KMT2C: variants seen among roughly 807,000 people sequenced by gnomAD.
KMT2C encodes lysine methyltransferase 2C.
A neutral mutation model predicts 507.9 loss-of-function variants in KMT2C; 88 were observed. That is an observed-to-expected ratio of 0.17 (90% CI 0.15 to 0.21). The LOEUF is 0.21. KMT2C is among the 10% of genes least tolerant of loss of function. KMT2C has a pLI of 1.00. For missense variants in KMT2C, 4,954 were observed against 5,957.8 expected (o/e 0.83, Z 5.55); for synonymous variants, 2,049 against 2,080.8 (o/e 0.98, Z 0.42).
intron 6 of KMT2C, among the ~76,000 whole-genome samples, chr7:152,298,936 C>G (rs143226795): frequency 6.6e-6 from 1 of 152,228 alleles, no homozygotes; most frequent in Non-Finnish European, 1.5e-5. Context: ...AGGTAGACCT[C>G]TCTAAATGTA....
chr7:152,203,193 A>C (rs1186933312), intron 25 of KMT2C, 129 bp from the exon 26 acceptor site: 2 of 637,096 alleles, frequency 3.1e-6, no homozygotes, highest in African/African-American at 3.8e-5. Flanking sequence ...TGAACAAAAA[A>C]ATCTCAAATC....
intron 53 of KMT2C, among the ~76,000 whole-genome samples, chr7:152,145,566 G>A (rs999629733): frequency 1.3e-5 from 2 of 152,212 alleles, no homozygotes; most frequent in African/African-American, 4.8e-5. Context: ...AACACTGGCT[G>A]ACCAATATAC....
At chr7:152,189,302 A>T (rs951748467) in intron 31 of KMT2C, among the ~76,000 whole-genome samples, 1 of 152,208 alleles carries the variant, frequency 6.6e-6, no homozygotes, top group East Asian at 1.9e-4. Context: ...GTTTACCTTC[A>T]AAAAGCCCTC....
At chr7:152,246,802 G>C (rs1281702769) in intron 14 of KMT2C, among the ~76,000 whole-genome samples, 1 of 152,078 alleles carries the variant, frequency 6.6e-6, no homozygotes, top group East Asian at 1.9e-4. Flanking sequence ...TATATAAAGA[G>C]TGGCCTAGTT....
chr7:152,412,593 T>C (rs941321149), intron 1 of KMT2C, among the ~76,000 whole-genome samples: 13 of 152,114 alleles, frequency 8.5e-5, no homozygotes, highest in Non-Finnish European at 1.6e-4. Context: ...AATCCTCTCA[T>C]GAAGCTGGCC....
At chr7:152,427,520 G>T (rs2097830409) in intron 1 of KMT2C, among the ~76,000 whole-genome samples, 2 of 152,126 alleles carry the variant, frequency 1.3e-5, no homozygotes, top group African/African-American at 4.8e-5. Context: ...TCTATGTCTT[G>T]ATTTAAAACT....
chr7:152,217,657 G>A (rs547080525), intron 23 of KMT2C, among the ~76,000 whole-genome samples: 8 of 152,042 alleles, frequency 5.3e-5, no homozygotes, highest in East Asian at 1.9e-4. Flanking sequence ...ATTTTATCAC[G>A]TAAATTTTAA....
chr7:152,435,138 G>A (rs2097904706), intron 1 of KMT2C, among the ~76,000 whole-genome samples: 2 of 152,114 alleles, frequency 1.3e-5, no homozygotes. Flanking sequence ...GCACTCGCCC[G>A]GCCGCTTTCT....
intron 9 of KMT2C, among the ~76,000 whole-genome samples, chr7:152,255,655 C>T (rs566603589): frequency 6.6e-6 from 1 of 152,190 alleles, no homozygotes; most frequent in South Asian, 2.1e-4. Context: ...AAAACAGTGT[C>T]GTACTGGTGA....
At chr7:152,289,305 C>T (rs2096364538) in intron 6 of KMT2C, among the ~76,000 whole-genome samples, 1 of 152,138 alleles carries the variant, frequency 6.6e-6, no homozygotes. Flanking sequence ...ACTACAACTA[C>T]AGTAAAAATA....
At chr7:152,338,669 T>A (rs1468896558) in intron 2 of KMT2C, among the ~76,000 whole-genome samples, 1 of 152,166 alleles carries the variant, frequency 6.6e-6, no homozygotes, top group Non-Finnish European at 1.5e-5. Flanking sequence ...AATTACAAGC[T>A]CAAGATCACA....
intron 14 of KMT2C, among the ~76,000 whole-genome samples, chr7:152,240,335 C>T (rs2095359630): frequency 6.6e-6 from 1 of 152,234 alleles, no homozygotes; most frequent in Non-Finnish European, 1.5e-5. Flanking sequence ...TACTGTTCTG[C>T]TGGATTTGGC....
intron 44 of KMT2C, among the ~76,000 whole-genome samples, chr7:152,157,145 G>A (rs1383889632): frequency 6.6e-6 from 1 of 151,102 alleles, no homozygotes; most frequent in Non-Finnish European, 1.5e-5. Flanking sequence ...TAGAGGTAGA[G>A]GGCAATGGCA....
chr7:152,204,222 C>T (rs1256014879), intron 25 of KMT2C, among the ~76,000 whole-genome samples: 3 of 152,030 alleles, frequency 2.0e-5, no homozygotes, highest in South Asian at 2.1e-4. Flanking sequence ...TGCTTGGACT[C>T]GGGAGGTGAA....
At chr7:152,387,092 A>C (rs545636241) in intron 1 of KMT2C, among the ~76,000 whole-genome samples, 140 of 152,308 alleles carry the variant, frequency 9.2e-4, no homozygotes, top group Non-Finnish European at 1.7e-3. Context: ...TTTACAATCA[A>C]GAAGACACAC....
intron 17 of KMT2C, 47 bp downstream of exon 17, chr7:152,230,173 G>GC: frequency 8.7e-7 from 1 of 1,148,750 alleles, no homozygotes; most frequent in Admixed American, 1.9e-5. Context: ...GCAGAAATGT[G>GC]CAAGGAGGAA....
intron 6 of KMT2C, among the ~76,000 whole-genome samples, chr7:152,284,084 CT>C (rs1204476810): frequency 6.6e-6 from 1 of 152,082 alleles, no homozygotes; most frequent in Non-Finnish European, 1.5e-5. Context: ...CTTTTAATGA[CT>C]TTTTCAGTTA....
intron 50 of KMT2C, 121 bp downstream of exon 50, chr7:152,151,321 C>T: frequency 9.7e-7 from 1 of 1,027,874 alleles, no homozygotes; most frequent in Admixed American, 2.4e-5. Context: ...GTGCCATCAC[C>T]AGGAACATGT....
chr7:152,140,829 G>A (rs2090452742), intron 55 of KMT2C, among the ~76,000 whole-genome samples: 1 of 152,150 alleles, frequency 6.6e-6, no homozygotes, highest in Non-Finnish European at 1.5e-5. Context: ...AAGCATCTTT[G>A]ATTATCTGTT....
Sources: allele counts gnomAD v4.1 joint callset (sites outside exome capture counted in the v4.1 genomes callset), GRCh38; gene constraint gnomAD v4.1.1; transcripts MANE v1.5; gene names NCBI Gene and HGNC (gene_info 2026-07-23, HGNC 2026-07-21).